Variants in SPINK1 observed in about 807,000 individuals in gnomAD.
SPINK1 encodes serine peptidase inhibitor Kazal type 1.
A neutral mutation model predicts 9.5 loss-of-function variants in SPINK1; 5 were observed. That is an observed-to-expected ratio of 0.52 (90% confidence interval 0.27 to 1.10). The LOEUF is 1.10. Among genes scored for constraint, SPINK1 ranks in the 50% least tolerant of loss-of-function variants. SPINK1 has a pLI of 0.11. For synonymous variants in SPINK1, 37 were observed against 32.3 expected, an observed-to-expected ratio of 1.14 and a Z score of -0.49; for missense variants, 88 against 92.7, an observed-to-expected ratio of 0.95 and a Z score of 0.21.
At chr5:147,830,545 A>T (rs1756490789) in intron 1 of SPINK1, among the ~76,000 whole-genome samples, 1 of 152,078 alleles carries the variant, frequency 6.6e-6, no homozygotes, top group African/African-American at 2.4e-5. Flanking sequence ...TCAGAACTTG[A>T]TGTTGTTGGG....
upstream of SPINK1, among the ~76,000 whole-genome samples, chr5:147,833,829 G>C (rs1281993373): frequency 1.3e-5 from 2 of 152,160 alleles, no homozygotes; most frequent in Non-Finnish European, 2.9e-5. Context: ...TTTAGGTCCT[G>C]TATGACTTGG....
At chr5:147,836,668 GC>G (rs139953471), upstream of SPINK1, among the ~76,000 whole-genome samples, 4,417 of 152,118 alleles carry the variant, frequency 0.029, 234 homozygotes, top group African/African-American at 0.1. Context: ...CACACACTAG[GC>G]AACAAAATAT....
chr5:147,833,828 T>C (rs1171462090), upstream of SPINK1, among the ~76,000 whole-genome samples: 2 of 152,228 alleles, frequency 1.3e-5, no homozygotes, highest in Non-Finnish European at 2.9e-5. Flanking sequence ...ATTTAGGTCC[T>C]GTATGACTTG....
At chr5:147,837,649 T>TTCCTTTCTTTCTTTCTTTC in the SPINK1 span, among the ~76,000 whole-genome samples, 1 of 107,032 alleles carries the variant, frequency 9.3e-6, no homozygotes, top group African/African-American at 3.7e-5. Context: ...CATTAACTTC[T>TTCCTTTCTTTCTTTCTTTC]TTTCTTTCTT....
At chr5:147,835,783 A>C (rs1362017700), upstream of SPINK1, among the ~76,000 whole-genome samples, 3 of 152,146 alleles carry the variant, frequency 2.0e-5, no homozygotes, top group Admixed American at 2.0e-4. Flanking sequence ...CAGAAACTAG[A>C]GATATACAGC....
chr5:147,824,858 C>A lies in SPINK1; in HGVS notation c.195-152G>T. 3 of 720,408 alleles carry A rather than the reference C, an allele frequency of 4.2e-6. No individual in the cohort carries two copies. The East Asian group carries it at 8.1e-5, about 19-fold the overall frequency. 44.6% of individuals were successfully genotyped at this position (720,408 alleles called of 1,614,324 possible). ...TTTCTCTGTCTTTCATTCATTTATA[C>A]ATTCACTTAGTCATTAATTCATCAA... On this transcript the variant is annotated intron_variant, in intron 3 of 3. Transcript: ENST00000296695.
chr5:147,835,542 C>T (rs780523425), upstream of SPINK1, among the ~76,000 whole-genome samples: 46 of 152,020 alleles, frequency 3.0e-4, no homozygotes, highest in Non-Finnish European at 5.6e-4. Context: ...TTCTTTACTG[C>T]TCTGAGTACA....
upstream of SPINK1, among the ~76,000 whole-genome samples, chr5:147,834,495 G>C (rs1157572925): frequency 6.6e-6 from 1 of 151,986 alleles, no homozygotes; most frequent in Non-Finnish European, 1.5e-5. Context: ...ATGTTGGTTG[G>C]ATCATATTTG....
intron 1 of SPINK1, 31 bp downstream of exon 1, chr5:147,831,492 T>C (rs1439295048): frequency 1.4e-5 from 22 of 1,612,466 alleles, no homozygotes; most frequent in Non-Finnish European, 1.7e-5. Flanking sequence ...AAAACAGTTT[T>C]ATTTAAATTT....
At chr5:147,834,512 T>C (rs868858305), upstream of SPINK1, among the ~76,000 whole-genome samples, 2 of 152,164 alleles carry the variant, frequency 1.3e-5, no homozygotes, top group Admixed American at 6.5e-5. Flanking sequence ...TTTGATTTGA[T>C]TTGAGATGAA....
upstream of SPINK1, among the ~76,000 whole-genome samples, chr5:147,832,470 G>A (rs183647001): frequency 4.0e-4 from 61 of 152,228 alleles, 3 homozygotes; most frequent in African/African-American, 9.9e-4. Context: ...TAGAAAATAC[G>A]TAATGTCTCC....
At chr5:147,825,820 C>T (rs980176745) in intron 3 of SPINK1, among the ~76,000 whole-genome samples, 2 of 152,182 alleles carry the variant, frequency 1.3e-5, no homozygotes, top group African/African-American at 4.8e-5. Context: ...AATCAGTTAG[C>T]ATACATAAGC....
At chr5:147,837,927 C>T in the SPINK1 span, among the ~76,000 whole-genome samples, 1 of 151,998 alleles carries the variant, frequency 6.6e-6, no homozygotes, top group African/African-American at 2.4e-5. Context: ...GTCTCGAACT[C>T]CTGACCTCAG....
At chr5:147,838,751 C>G in the SPINK1 span, among the ~76,000 whole-genome samples, 1 of 152,154 alleles carries the variant, frequency 6.6e-6, no homozygotes, top group Non-Finnish European at 1.5e-5. Flanking sequence ...CTTTGCTTTT[C>G]CATGGCTCTT....
upstream of SPINK1, among the ~76,000 whole-genome samples, chr5:147,832,717 C>A (rs190593327): frequency 1.6e-3 from 250 of 152,258 alleles, 3 homozygotes; most frequent in African/African-American, 5.5e-3. Flanking sequence ...CTGGCTGTTG[C>A]TATGGAATAA....
At position 147,831,618 on chromosome 5, in the gene SPINK1, C is replaced by A; in HGVS notation, c.-41G>T. The A allele has an allele frequency of 6.2e-7, 1 of 1,611,156 alleles. No homozygotes were observed. The highest frequency in any genetic ancestry group is 8.5e-7 in the Non-Finnish European group (1 of 1,179,046). On this transcript the variant is annotated 5_prime_UTR_variant, in exon 1 of 4. Transcript: ENST00000296695. ...TCCAGAGGTCAGTTGAAAACTGCACCGCACTTACCACGTCTCTTCAGAAGC... is the reference window on the plus strand; with the variant it reads ...TCCAGAGGTCAGTTGAAAACTGCACAGCACTTACCACGTCTCTTCAGAAGC...
upstream of SPINK1, among the ~76,000 whole-genome samples, chr5:147,836,033 C>CA (rs1406092442): frequency 5.9e-5 from 9 of 152,150 alleles, no homozygotes; most frequent in East Asian, 1.7e-3. Context: ...AAGATTTACT[C>CA]ACTTTCCTTT....
chr5:147,824,627 G>C lies in SPINK1; in HGVS notation c.*34C>G, dbSNP rs377333227. On this transcript the variant is annotated 3_prime_UTR_variant, in exon 4 of 4. Transcript: ENST00000296695. ...TCAACAATAAGGCCAGTCAGGCCTC[G>C]CGGTGACCTGATGGGATTTCAAAAC... 1 of 1,606,234 alleles carries C rather than the reference G, an allele frequency of 6.2e-7. No homozygotes were observed. Among genetic ancestry groups the C allele is most frequent in the Admixed American group, 1.7e-5 (1 of 59,984 alleles).
chr5:147,831,842 C>G (rs1036729519), upstream of SPINK1: 3 of 1,337,880 alleles, frequency 2.2e-6, no homozygotes, highest in Non-Finnish European at 2.9e-6. Flanking sequence ...GAAAATAGTT[C>G]TAGTGGTTAG....
Sources: allele counts gnomAD v4.1 joint callset (sites outside exome capture counted in the v4.1 genomes callset), GRCh38; gene constraint gnomAD v4.1.1; transcripts MANE v1.5; gene names NCBI Gene and HGNC (gene_info 2026-07-23, HGNC 2026-07-21).